Variants in ZZEF1 observed in about 807,000 individuals in gnomAD.
ZZEF1 encodes zinc finger ZZ-type and EF-hand domain containing 1, also known as zinc finger ZZ-type and EF-hand domain-containing protein 1.
Under a neutral mutation model 342.8 loss-of-function variants are expected in ZZEF1, and 157 were observed. The ratio of observed to expected loss-of-function variants is 0.46; its 90% CI spans 0.40 to 0.52. The LOEUF (loss-of-function observed/expected upper bound fraction) is 0.52, where lower values mean the gene tolerates loss of function less well. ZZEF1 is among the 20% of genes least tolerant of loss of function. The pLI is 0.00. For missense variants in ZZEF1, 3,480 were observed against 3,725.6 expected (o/e 0.93, Z 1.72); for synonymous variants, 1,505 against 1,429.1 (o/e 1.05, Z -1.20).
At chr17:4,116,314 A>G (rs1181495861) in intron 3 of ZZEF1, among the ~76,000 whole-genome samples, 1 of 152,228 alleles carries the variant, frequency 6.6e-6, no homozygotes, top group East Asian at 1.9e-4. Flanking sequence ...CTCAGTCTCC[A>G]AAAAAACATC....
At chr17:4,126,049 AC>A (rs1257589623) in intron 1 of ZZEF1, among the ~76,000 whole-genome samples, 1 of 151,700 alleles carries the variant, frequency 6.6e-6, no homozygotes, top group Non-Finnish European at 1.5e-5. Flanking sequence ...AGATGGTGAA[AC>A]CCCGTCTCTA....
intron 34 of ZZEF1, 88 bp downstream of exon 34, chr17:4,053,969 A>G: frequency 6.9e-7 from 1 of 1,439,898 alleles, no homozygotes; most frequent in South Asian, 1.4e-5. Flanking sequence ...TTGATTTAGT[A>G]CACTGAGAGT....
rs80233645 is a variant in ZZEF1 at position 4,088,865 on chromosome 17, C to T, written c.2054G>A (p.Arg685His). The change falls in exon 13 of 55, where the codon CGT (arginine) becomes CAT (histidine). Residue 685 changes from arginine to histidine, a missense_variant. Arg to His is a conservative substitution (Grantham distance 29, BLOSUM62 0). Around this residue, in one of 5 missense-constraint regions of ZZEF1, gnomAD observed 1,528 missense variants for 1,624.1 expected, o/e 0.94. Transcript: ENST00000381638. ...KYLMVKFLCT[R>H]QESAERLGVQ... is the part of the protein sequence containing the mutation. ...TCCCAAGCGCTCTGCTGACTCCTGA[C>T]GGGTGCAGAGGAACTTCACCATCAA... 8.1e-6 allele frequency: 13 copies of T among 1,614,062 alleles called. No homozygotes were observed. The highest frequency in any genetic ancestry group is 3.3e-5 in the Admixed American group (2 of 60,006).
At position 4,089,367 on chromosome 17, in the gene ZZEF1, T is replaced by C. The variant is rs2057901142; in HGVS notation, c.2026-474A>G. On this transcript the variant is annotated intron_variant, in intron 12 of 54. Transcript: ENST00000381638. ...CCAACTTTCATGCAAACTACCTGCT[T>C]CTTATGGTGAGCGCTCTTTGTTAAG... Among the ~76,000 whole-genome samples, 2 of 152,192 alleles carry C rather than the reference T, an allele frequency of 1.3e-5. 1 individual carries two copies. The highest frequency in any genetic ancestry group is 4.1e-4 in the South Asian group (2 of 4,830).
At chr17:4,063,346 CAGAA>C in intron 29 of ZZEF1, among the ~76,000 whole-genome samples, 1 of 152,074 alleles carries the variant, frequency 6.6e-6, no homozygotes, top group Non-Finnish European at 1.5e-5. Context: ...CCCTCTGATG[CAGAA>C]AGATTCCTTG....
intron 9 of ZZEF1, among the ~76,000 whole-genome samples, chr17:4,100,979 A>C (rs890956864): frequency 1.3e-5 from 2 of 152,198 alleles, no homozygotes; most frequent in African/African-American, 2.4e-5. Context: ...GGGAAGGGAA[A>C]GGGACAAGGA....
chr17:4,010,638 T>C (rs1284138751), intron 52 of ZZEF1, among the ~76,000 whole-genome samples: 2 of 137,698 alleles, frequency 1.5e-5, no homozygotes, highest in East Asian at 2.2e-4. Flanking sequence ...GGCAGAAGAA[T>C]TGCTTGAACC....
chr17:4,131,432 A>G (rs1318324562), intron 1 of ZZEF1, among the ~76,000 whole-genome samples: 1 of 152,066 alleles, frequency 6.6e-6, no homozygotes, highest in East Asian at 1.9e-4. Context: ...GAAAATTAGG[A>G]AAATTAAAGT....
At chr17:4,140,413 G>A (rs1351115687) in intron 1 of ZZEF1, among the ~76,000 whole-genome samples, 1 of 152,122 alleles carries the variant, frequency 6.6e-6, no homozygotes, top group Non-Finnish European at 1.5e-5. Flanking sequence ...CCCCAAGTGA[G>A]GTTAAATACA....
intron 49 of ZZEF1, among the ~76,000 whole-genome samples, chr17:4,015,535 C>T (rs181503554): frequency 1.6e-3 from 245 of 152,284 alleles, no homozygotes; most frequent in African/African-American, 5.5e-3. Flanking sequence ...GAGGCCAAGG[C>T]GGGTGGATCA....
chr17:4,013,529 G>A lies in ZZEF1; in HGVS notation c.8499C>T (p.Gly2833=), dbSNP rs8075562. The A allele has an allele frequency of 0.19, 310,849 of 1,613,240 alleles. 31,152 individuals carry two copies. The highest frequency in any genetic ancestry group is 0.29 in the African/African-American group (21,406 of 74,940). The change falls in exon 52 of 55, where the codon GGC becomes GGT. Residue 2833 remains glycine (G), a synonymous_variant. Coordinates refer to ENST00000381638, the MANE Select transcript of ZZEF1 (RefSeq NM_015113.4). The part of the protein sequence containing the change: ...PLAKIWEWLV[G]VACRQTGHQR... The stretch of plus-strand genomic sequence containing the variant: ...GATGGCCAGTCTGGCGACAGGCCAC[G>A]CCCACCAGCCATTCCCAAATTTTTG...
intron 8 of ZZEF1, among the ~76,000 whole-genome samples, chr17:4,104,030 C>T (rs1223289814): frequency 6.6e-6 from 1 of 152,198 alleles, no homozygotes; most frequent in East Asian, 1.9e-4. Context: ...AGAAGTGCTG[C>T]ACTGCAGTCT....
chr17:4,106,775 AG>A (rs1294871646), intron 6 of ZZEF1, among the ~76,000 whole-genome samples: 1 of 152,270 alleles, frequency 6.6e-6, no homozygotes, highest in African/African-American at 2.4e-5. Context: ...CAACTGTGCT[AG>A]GTGACTGAAT....
At chr17:4,113,966 T>C (rs2058354520) in intron 4 of ZZEF1, among the ~76,000 whole-genome samples, 1 of 151,728 alleles carries the variant, frequency 6.6e-6, no homozygotes, top group Non-Finnish European at 1.5e-5. Context: ...TAAGATCCTG[T>C]CTTAAAAAGA....
intron 39 of ZZEF1, among the ~76,000 whole-genome samples, chr17:4,038,074 A>G (rs189560905): frequency 1.4e-3 from 210 of 152,358 alleles, no homozygotes; most frequent in African/African-American, 4.7e-3. Context: ...TAGAAGTAAT[A>G]TGGCATGAAC....
At chr17:4,130,445 T>A (rs201071778) in intron 1 of ZZEF1, among the ~76,000 whole-genome samples, 1 of 151,836 alleles carries the variant, frequency 6.6e-6, no homozygotes, top group East Asian at 1.9e-4. Flanking sequence ...AGAGTAAGAC[T>A]CTGTCTCAAA....
intron 4 of ZZEF1, among the ~76,000 whole-genome samples, chr17:4,113,198 T>C (rs7222356): frequency 0.97 from 148,085 of 152,328 alleles, 72,130 homozygotes; most frequent in East Asian, 1. Context: ...GAAAACAATA[T>C]AATTATTTCT....
At chr17:4,124,212 A>C (rs956783505) in intron 1 of ZZEF1, among the ~76,000 whole-genome samples, 161 bp from the exon 2 acceptor site, 4 of 152,178 alleles carry the variant, frequency 2.6e-5, no homozygotes, top group Non-Finnish European at 5.9e-5. Flanking sequence ...TAGAACAGGA[A>C]CTCACTGCGC....
At chr17:4,009,004 C>T (rs2144912928) in intron 53 of ZZEF1, 50 bp from the exon 54 acceptor site, 1 of 1,530,010 alleles carries the variant, frequency 6.5e-7, no homozygotes. Context: ...ATGCGCAGTG[C>T]AGCTCTCCCA....
Sources: allele counts gnomAD v4.1 joint callset (sites outside exome capture counted in the v4.1 genomes callset), GRCh38; gene constraint gnomAD v4.1.1; regional missense constraint gnomAD v4.1.1; transcripts MANE v1.5; gene names NCBI Gene and HGNC (gene_info 2026-07-23, HGNC 2026-07-21).